SPG21: variants seen among roughly 807,000 people sequenced by gnomAD.
SPG21 encodes the protein SPG21 abhydrolase domain containing, maspardin, also known as maspardin.
In SPG21, 26 loss-of-function variants were observed where a neutral mutation model predicts 38.9. That is an observed-to-expected ratio of 0.67 (90% CI 0.49 to 0.93). The LOEUF (loss-of-function observed/expected upper bound fraction) is 0.93. Among genes scored for constraint, SPG21 ranks in the 40% least tolerant of loss-of-function variants. The pLI, the probability that SPG21 is intolerant of heterozygous loss-of-function variation, is 0.00. For missense variants in SPG21, 333 were observed against 376.5 expected, an observed-to-expected ratio of 0.88 and a Z score of 0.96; for synonymous variants, 136 against 128.9, an observed-to-expected ratio of 1.05 and a Z score of -0.37.
chr15:64,985,656 G>C (rs1236931941), intron 1 of SPG21, among the ~76,000 whole-genome samples: 3 of 152,192 alleles, frequency 2.0e-5, no homozygotes, highest in South Asian at 2.1e-4. Context: ...AGATTCGTGA[G>C]ACCTAACTCC....
intron 3 of SPG21, among the ~76,000 whole-genome samples, chr15:64,979,580 C>T (rs988682522): frequency 1.3e-5 from 2 of 152,082 alleles, no homozygotes; most frequent in African/African-American, 2.4e-5. Flanking sequence ...AAGTAAGAGA[C>T]GGGCTCTCAG....
At chr15:64,966,067 A>G (rs779101556) in intron 7 of SPG21, among the ~76,000 whole-genome samples, 2 of 152,178 alleles carry the variant, frequency 1.3e-5, no homozygotes, top group Non-Finnish European at 2.9e-5. Context: ...GATTAACAGA[A>G]TATTAATAGA....
At chr15:64,985,686 C>T (rs1160135079) in intron 1 of SPG21, among the ~76,000 whole-genome samples, 1 of 152,144 alleles carries the variant, frequency 6.6e-6, no homozygotes, top group Non-Finnish European at 1.5e-5. Context: ...TCTGAACTGT[C>T]GTTTTAGAGG....
At chr15:64,965,177 A>C (rs1440891747) in intron 8 of SPG21, 143 bp downstream of exon 8, 6 of 1,120,212 alleles carry the variant, frequency 5.4e-6, no homozygotes, top group Non-Finnish European at 7.9e-6. Context: ...TTATAAATGT[A>C]AACCACTTTT....
intron 8 of SPG21, among the ~76,000 whole-genome samples, chr15:64,964,412 C>T (rs2085504578): frequency 6.6e-6 from 1 of 152,040 alleles, no homozygotes; most frequent in Non-Finnish European, 1.5e-5. Flanking sequence ...ATCAAGTATT[C>T]CTGTTTAGGA....
At chr15:64,975,300 AAAAAG>A (rs1253526481) in intron 4 of SPG21, among the ~76,000 whole-genome samples, 2 of 147,076 alleles carry the variant, frequency 1.4e-5, no homozygotes, top group African/African-American at 2.5e-5. Context: ...AAAAAAAAAA[AAAAAG>A]AAAAGAAAAA....
In SPG21 at chr15:64,965,731, C is replaced by CT. The variant is rs796732000; in HGVS notation, c.670-272dup. Among the ~76,000 whole-genome samples, 456 of 144,734 alleles carry CT rather than the reference C, an allele frequency of 3.2e-3. 1 individual carries two copies. Among genetic ancestry groups the CT allele is most frequent in the Admixed American group, 4.2e-3 (61 of 14,388 alleles). The allele number at this position is 144,734 out of a possible 152,430, so 95.0% of individuals were successfully genotyped here. A position where few individuals can be genotyped will look rare whatever the true frequency, so the allele number is the denominator to read the frequency against. On this transcript the variant is annotated intron_variant, in intron 7 of 8. Transcript: ENST00000204566. ...TGCATTCTTTTGGTGGGGGGAAATT[C>CT]TTTTTTTTTTTTTGAGGTAGAGTGC...
intron 5 of SPG21, among the ~76,000 whole-genome samples, chr15:64,974,366 T>C (rs936776723): frequency 1.3e-5 from 2 of 150,864 alleles, no homozygotes; most frequent in African/African-American, 5.0e-5. Flanking sequence ...TTCCAGCTAC[T>C]TGGGAGGCTG....
In SPG21 at chr15:64,974,683, T is replaced by G; in HGVS notation, c.371A>C (p.Lys124Thr). ...LAQKFAEYTH[K>T]SPRVHSLILC... is the part of the protein sequence containing the mutation. ...GATTAGGGAATGGACTCTAGGAGAT[T>G]TGTGAGTGTATTCAGCAAATTTCTG... is the stretch of plus-strand genomic sequence containing the variant. The change falls in exon 5 of 9, where the codon AAA becomes ACA. Residue 124 changes from lysine (K) to threonine (T), a missense_variant. Transcript: ENST00000204566. 1 of 1,614,142 alleles carries G rather than the reference T, an allele frequency of 6.2e-7. No homozygotes were observed. Among genetic ancestry groups the G allele is most frequent in the Non-Finnish European group, 8.5e-7 (1 of 1,180,016 alleles).
intron 8 of SPG21, among the ~76,000 whole-genome samples, chr15:64,964,891 AAGTGCTG>A (rs1472934615): frequency 6.6e-6 from 1 of 152,110 alleles, no homozygotes; most frequent in Non-Finnish European, 1.5e-5. Flanking sequence ...CAGCCTCGCA[AAGTGCTG>A]AGATTACAGG....
At chr15:64,983,787 T>TC (rs1235137426) in intron 1 of SPG21, among the ~76,000 whole-genome samples, 194 bp from the exon 2 acceptor site, 5 of 146,452 alleles carry the variant, frequency 3.4e-5, no homozygotes, top group Admixed American at 2.7e-4. Flanking sequence ...GAAGCACTCT[T>TC]TTTTTTTTTT....
At position 64,979,273 on chromosome 15, in the gene SPG21, G is replaced by A. The variant is rs372319726; in HGVS notation, c.225+1591C>T. Among the ~76,000 whole-genome samples the A allele has an allele frequency of 7.2e-5, 11 of 152,248 alleles. No homozygotes were observed. The East Asian group carries it at 7.7e-4, about 11-fold the overall frequency. On this transcript the variant is annotated intron_variant, in intron 3 of 8. Coordinates refer to ENST00000204566, the MANE Select transcript of SPG21 (RefSeq NM_016630.7). ...AAACACACTGCTGGACAGCACTCCC[G>A]AGTGGGACGGGCGCCTATGGGTTGC...
At chr15:64,979,603 C>T (rs2085846488) in intron 3 of SPG21, among the ~76,000 whole-genome samples, 1 of 152,094 alleles carries the variant, frequency 6.6e-6, no homozygotes, top group African/African-American at 2.4e-5. Context: ...GGAAGAGGAA[C>T]TGATTTCCTT....
At chr15:64,982,264 C>A (rs1050003966) in intron 2 of SPG21, among the ~76,000 whole-genome samples, 1 of 151,374 alleles carries the variant, frequency 6.6e-6, no homozygotes, top group African/African-American at 2.4e-5. Flanking sequence ...CCCATCTCAG[C>A]CTCCTGAGTG....
chr15:64,970,023 C>T, intron 6 of SPG21, 91 bp downstream of exon 6: 1 of 1,055,722 alleles, frequency 9.5e-7, no homozygotes, highest in South Asian at 1.3e-5. Flanking sequence ...ACCTCTTACA[C>T]ATACTTGTGA....
In SPG21 at chr15:64,964,823, G is replaced by A. The variant is rs376363366; in HGVS notation, c.810+497C>T. Among the ~76,000 whole-genome samples, 4 of 151,918 alleles carry A rather than the reference G, an allele frequency of 2.6e-5. No homozygotes were observed. In the East Asian group the frequency reaches 7.7e-4, roughly 29 times the overall value. ...TTTTTTTTGTATTTTTAGTAGAGAC[G>A]GTTTCACCATATTGGCCAGGCTGGT... On this transcript the variant is annotated intron_variant, in intron 8 of 8. Coordinates refer to ENST00000204566, the MANE Select transcript of SPG21 (RefSeq NM_016630.7).
intron 7 of SPG21, among the ~76,000 whole-genome samples, chr15:64,968,262 C>T (rs536956288): frequency 6.6e-6 from 1 of 150,918 alleles, no homozygotes; most frequent in Non-Finnish European, 1.5e-5. Context: ...ATTGTTTGGG[C>T]CCGGGAGGCA....
chr15:64,974,966 A>T (rs573433940), intron 4 of SPG21, among the ~76,000 whole-genome samples: 5 of 152,102 alleles, frequency 3.3e-5, no homozygotes, highest in Admixed American at 3.3e-4. Context: ...TTATATAATT[A>T]AAAAAAATAT....
intron 7 of SPG21, among the ~76,000 whole-genome samples, chr15:64,967,985 C>T (rs2085576884): frequency 6.6e-6 from 1 of 152,212 alleles, no homozygotes; most frequent in Non-Finnish European, 1.5e-5. Context: ...CAAGTGACCA[C>T]TGACGGATGA....
Sources: gnomAD v4.1 joint callset for allele counts (sites outside exome capture counted in the v4.1 genomes callset) on GRCh38, gnomAD v4.1.1 for gene constraint, MANE v1.5 for transcripts, NCBI Gene and HGNC (gene_info 2026-07-23, HGNC 2026-07-21) for gene names.